RGL1: variants seen among roughly 807,000 people sequenced by gnomAD.
The protein encoded by RGL1 is ral guanine nucleotide dissociation stimulator like 1.
A neutral mutation model predicts 95.2 loss-of-function variants in RGL1; 24 were observed. The ratio of observed to expected loss-of-function variants is 0.25; its 90% confidence interval spans 0.18 to 0.35. The LOEUF is 0.35. RGL1 is among the 10% of genes least tolerant of loss of function. The pLI is 1.00. For synonymous variants in RGL1, 329 were observed against 344.9 expected, an observed-to-expected ratio of 0.95 and a Z score of 0.51; for missense variants, 715 against 936.3, an observed-to-expected ratio of 0.76 and a Z score of 3.08.
rs764716600 is a variant in RGL1 at position 183,916,643 on chromosome 1, C to T, written c.1946C>T (p.Thr649Ile). Residue 649 changes from threonine to isoleucine, a missense_variant, in exon 16 of 18, where the codon ACC becomes ATC. Thr to Ile is a moderately conservative substitution (Grantham distance 89). Coordinates refer to ENST00000360851, the MANE Select transcript of RGL1 (RefSeq NM_001297671.3). ...PPVYNQQNED[T>I]CIIRISVEDN... is the part of the protein sequence containing the mutation. The stretch of plus-strand genomic sequence containing the variant: ...GTTTACAACCAACAGAATGAAGACA[C>T]CTGCATAATCCGCATCAGTGTGGAA... 3.1e-6 allele frequency: 5 copies of T among 1,613,844 alleles called. No homozygotes were observed. The highest frequency in any genetic ancestry group is 1.6e-4 in the Middle Eastern group (1 of 6,084).
At chr1:183,654,572 C>T (rs541994719) in intron 1 of RGL1, among the ~76,000 whole-genome samples, 1 of 152,316 alleles carries the variant, frequency 6.6e-6, no homozygotes, top group South Asian at 2.1e-4. Context: ...TGAGGGCCTG[C>T]TCAGTTCTGT....
intron 1 of RGL1, among the ~76,000 whole-genome samples, chr1:183,659,003 G>A (rs1651407416): frequency 6.6e-6 from 1 of 151,988 alleles, no homozygotes; most frequent in Non-Finnish European, 1.5e-5. Flanking sequence ...GGTCCTGTCT[G>A]TTAGAAGGAA....
intron 2 of RGL1, among the ~76,000 whole-genome samples, chr1:183,760,634 C>T (rs571289972): frequency 1.4e-5 from 2 of 146,404 alleles, no homozygotes; most frequent in African/African-American, 2.5e-5. Flanking sequence ...GTCCCAGCTA[C>T]TCAGGAGGCT....
At chr1:183,779,225 TTCCC>T (rs1466327643) in intron 2 of RGL1, among the ~76,000 whole-genome samples, 2 of 123,734 alleles carry the variant, frequency 1.6e-5, no homozygotes, top group South Asian at 2.7e-4. Context: ...CCTTCCTTCC[TTCCC>T]TCCCTCCCAC....
chr1:183,883,432 G>T (rs1666934540), intron 5 of RGL1, among the ~76,000 whole-genome samples: 1 of 152,178 alleles, frequency 6.6e-6, no homozygotes, highest in Non-Finnish European at 1.5e-5. Flanking sequence ...CATGGTTGGG[G>T]TTTAGGAGTT....
At chr1:183,720,052 C>G (rs538086013) in intron 1 of RGL1, among the ~76,000 whole-genome samples, 2 of 151,952 alleles carry the variant, frequency 1.3e-5, no homozygotes, top group South Asian at 4.2e-4. Flanking sequence ...ATTAAAGAAA[C>G]TGGAAGATGA....
At chr1:183,922,371 C>A in intron 17 of RGL1, 35 bp downstream of exon 17, 1 of 1,514,244 alleles carries the variant, frequency 6.6e-7, no homozygotes, top group Non-Finnish European at 9.1e-7. Context: ...TGTTCCTTCC[C>A]AGGGCAGGTG....
chr1:183,880,595 C>T (rs1666768287), intron 4 of RGL1, 21 bp from the exon 5 acceptor site: 1 of 1,611,086 alleles, frequency 6.2e-7, no homozygotes, highest in Non-Finnish European at 8.5e-7. Flanking sequence ...GGTGCAGTGA[C>T]TCTCCATTTG....
intron 1 of RGL1, among the ~76,000 whole-genome samples, chr1:183,729,967 G>A (rs1039886303): frequency 6.6e-6 from 1 of 152,148 alleles, no homozygotes; most frequent in African/African-American, 2.4e-5. Context: ...CAGTGATAGG[G>A]TGAGATCGGC....
intron 1 of RGL1, among the ~76,000 whole-genome samples, chr1:183,737,695 T>C (rs1274513324): frequency 6.6e-6 from 1 of 152,218 alleles, no homozygotes; most frequent in African/African-American, 2.4e-5. Flanking sequence ...TAATTTTATT[T>C]CTGTGCTTCA....
At chr1:183,660,203 A>G (rs1196875559) in intron 1 of RGL1, among the ~76,000 whole-genome samples, 2 of 152,192 alleles carry the variant, frequency 1.3e-5, no homozygotes, top group Admixed American at 6.5e-5. Context: ...ATTCACCCAT[A>G]ACAATATTAA....
intron 17 of RGL1, among the ~76,000 whole-genome samples, chr1:183,923,203 C>A (rs1669413023): frequency 1.3e-5 from 2 of 152,196 alleles, no homozygotes; most frequent in African/African-American, 2.4e-5. Flanking sequence ...CACCAACAAG[C>A]AGTGTCCCCT....
chr1:183,713,013 G>A (rs1227418387), intron 1 of RGL1, among the ~76,000 whole-genome samples: 1 of 152,072 alleles, frequency 6.6e-6, no homozygotes. Context: ...GTGTGTGTCA[G>A]TGGGATGGAG....
intron 1 of RGL1, among the ~76,000 whole-genome samples, chr1:183,637,260 T>G (rs1438249085): frequency 6.6e-6 from 1 of 152,258 alleles, no homozygotes; most frequent in Non-Finnish European, 1.5e-5. Flanking sequence ...CTTATAAATT[T>G]CTTAATGATA....
At chr1:183,845,710 C>T (rs1045201385) in intron 2 of RGL1, among the ~76,000 whole-genome samples, 11 of 152,198 alleles carry the variant, frequency 7.2e-5, no homozygotes, top group African/African-American at 1.9e-4. Context: ...ACATTGCCGT[C>T]TGTGGACTGA....
At chr1:183,868,870 C>T (rs1665994512) in intron 4 of RGL1, among the ~76,000 whole-genome samples, 2 of 152,156 alleles carry the variant, frequency 1.3e-5, no homozygotes, top group Admixed American at 1.3e-4. Flanking sequence ...AATCCCAACA[C>T]TTTGGGAAGC....
chr1:183,812,053 A>G (rs1661755055), intron 2 of RGL1, among the ~76,000 whole-genome samples: 1 of 152,124 alleles, frequency 6.6e-6, no homozygotes, highest in Non-Finnish European at 1.5e-5. Flanking sequence ...TCCTTTGCCC[A>G]TGGTATATGT....
intron 2 of RGL1, among the ~76,000 whole-genome samples, chr1:183,824,620 G>T (rs1222110959): frequency 2.0e-5 from 3 of 152,058 alleles, no homozygotes; most frequent in African/African-American, 4.8e-5. Context: ...TTTTGACAAG[G>T]CTCAGTTCAT....
intron 2 of RGL1, among the ~76,000 whole-genome samples, chr1:183,842,621 A>G (rs989103844): frequency 2.0e-5 from 3 of 152,168 alleles, no homozygotes; most frequent in Non-Finnish European, 2.9e-5. Flanking sequence ...CAAACATGAA[A>G]CATTTTTGTG....
Sources: allele counts gnomAD v4.1 joint callset (sites outside exome capture counted in the v4.1 genomes callset), GRCh38; gene constraint gnomAD v4.1.1; transcripts MANE v1.5; gene names NCBI Gene and HGNC (gene_info 2026-07-23, HGNC 2026-07-21).